The following SMOC2 variants were observed in gnomAD, a reference collection of about 807,000 sequenced individuals.
The protein encoded by SMOC2 is SPARC-related modular calcium-binding protein 2.
SMOC2 carries 39 observed loss-of-function variants against 61.4 expected under a neutral mutation model. The ratio of observed to expected loss-of-function variants is 0.64; its 90% CI spans 0.49 to 0.83. The LOEUF is 0.83. SMOC2 is among the 40% of genes least tolerant of loss of function. The probability of loss-of-function intolerance (pLI) is 0.00; values close to 1 mark genes in which losing one functional copy is unlikely to be tolerated. For synonymous variants in SMOC2, 247 were observed against 239.9 expected (o/e 1.03, Z -0.27); for missense variants, 556 against 592.9 (o/e 0.94, Z 0.65).
chr6:168,659,720 G>GAGGATGGAGGTTGTAGGTTGGGTT (rs1787446994), intron 11 of SMOC2, among the ~76,000 whole-genome samples: 1 of 122,120 alleles, frequency 8.2e-6, no homozygotes, highest in Non-Finnish European at 1.8e-5. Context: ...TAGGCTGAGT[G>GAGGATGGAGGTTGTAGGTTGGGTT]AGGGTGGAGG....
chr6:168,494,502 C>T (rs1782543558), intron 1 of SMOC2, among the ~76,000 whole-genome samples: 1 of 152,230 alleles, frequency 6.6e-6, no homozygotes, highest in Non-Finnish European at 1.5e-5. Context: ...CCATCAGAAT[C>T]TTTTTGGATA....
chr6:168,449,003 C>G (rs532261940), intron 1 of SMOC2, among the ~76,000 whole-genome samples: 2 of 152,226 alleles, frequency 1.3e-5, no homozygotes, highest in East Asian at 3.9e-4. Context: ...CAAAATCTAA[C>G]CCCCATGTTC....
Sources: allele counts gnomAD v4.1 joint callset (sites outside exome capture counted in the v4.1 genomes callset), GRCh38; gene constraint gnomAD v4.1.1; transcripts MANE v1.5; gene names NCBI Gene and HGNC (gene_info 2026-07-23, HGNC 2026-07-21).